The following FYTTD1 variants were observed in gnomAD, a reference collection of about 807,000 sequenced individuals.
The protein encoded by FYTTD1 is UAP56-interacting factor.
A neutral mutation model predicts 40.9 loss-of-function variants in FYTTD1; 22 were observed. The ratio of observed to expected loss-of-function variants is 0.54; its 90% CI spans 0.38 to 0.77. The LOEUF is 0.77. FYTTD1 is among the 30% of genes least tolerant of loss of function. The pLI is 0.00. For synonymous variants in FYTTD1, 140 were observed against 137.9 expected (o/e 1.01, Z -0.10); for missense variants, 351 against 392.2 (o/e 0.90, Z 0.89).
At position 197,768,435 on chromosome 3, in the gene FYTTD1, A is replaced by G. The variant is rs747651741; in HGVS notation, c.236-4A>G. On this transcript the variant is annotated splice_region_variant and splice_polypyrimidine_tract_variant and intron_variant, in intron 2 of 8. Transcript: ENST00000241502. ...CATTTTCTTCTGTTTTTGCCCTCCTATAGGTTTTGGTAAGACTAGTCTGAA... is the reference window on the plus strand; with the variant it reads ...CATTTTCTTCTGTTTTTGCCCTCCTGTAGGTTTTGGTAAGACTAGTCTGAA... 20 of 1,595,856 alleles carry G rather than the reference A, an allele frequency of 1.3e-5. No homozygotes were observed. Among genetic ancestry groups the G allele is most frequent in the East Asian group, 9.0e-5 (4 of 44,358 alleles).
chr3:197,767,138 TTTTA>T (rs1273337215), intron 2 of FYTTD1, among the ~76,000 whole-genome samples: 2 of 152,248 alleles, frequency 1.3e-5, no homozygotes, highest in East Asian at 1.9e-4. Context: ...CCAATTTATT[TTTTA>T]TTTATTTACT....
chr3:197,775,953 A>C (rs1729862282), intron 6 of FYTTD1, among the ~76,000 whole-genome samples: 1 of 152,230 alleles, frequency 6.6e-6, no homozygotes, highest in African/African-American at 2.4e-5. Context: ...ACTAATGTGA[A>C]TATAAAGGAA....
intron 1 of FYTTD1, among the ~76,000 whole-genome samples, chr3:197,754,887 G>A (rs1392732569): frequency 6.6e-6 from 1 of 152,036 alleles, no homozygotes; most frequent in African/African-American, 2.4e-5. Flanking sequence ...GGTTGGTCTC[G>A]AACTCTTGGG....
rs1730133234 is a variant in FYTTD1, at chr3:197,785,446, A to G, written c.*3537A>G. On this transcript the variant is annotated 3_prime_UTR_variant, in exon 9 of 9. Coordinates refer to ENST00000241502, the MANE Select transcript of FYTTD1 (RefSeq NM_032288.7). ...GTTGAAGGGCCAACTGTTTAAGCCAATCGTAAAATACTGTGTCTGAGGAAA... is the reference window on the plus strand; with the variant it reads ...GTTGAAGGGCCAACTGTTTAAGCCAGTCGTAAAATACTGTGTCTGAGGAAA... 1 of 152,234 alleles carries G rather than the reference A, an allele frequency of 6.6e-6. No individual in the cohort carries two copies. The highest frequency in any genetic ancestry group is 6.5e-5 in the Admixed American group (1 of 15,276). 9.4% of individuals were successfully genotyped at this position (152,234 alleles called of 1,614,324 possible). A position where few individuals can be genotyped will look rare whatever the true frequency, so the allele number is the denominator to read the frequency against.
In FYTTD1 at chr3:197,774,205, T is replaced by G. The variant is rs769838870; in HGVS notation, c.651T>G (p.Thr217=). ...TAGACGATGTAGTAGCAAAGAGAAC[T>G]CGTCAGTAAGTTTCCATTTGTTTTT... ...QLLDDVVAKR[T]RQWRTSTTNG... The change falls in exon 6 of 9, where the codon ACT becomes ACG. Residue 217 remains threonine (T), a synonymous_variant. Transcript: ENST00000241502. 3 of 1,613,352 alleles carry G rather than the reference T, an allele frequency of 1.9e-6. No individual in the cohort carries two copies. In the East Asian group the frequency reaches 6.7e-5, roughly 36 times the overall value.
chr3:197,756,468 A>G lies in FYTTD1; in HGVS notation c.146A>G (p.Asn49Ser), dbSNP rs1261313677. Residue 49 changes from asparagine to serine, a missense_variant, in exon 2 of 9, where the codon AAT (asparagine) becomes AGT (serine). Physicochemically the swap from Asn to Ser is conservative, Grantham distance 46. Transcript: ENST00000241502. ...KLNRKEGKKQ[N>S]FPRLNRRLLQ... ...AATCGAAAGGAAGGGAAGAAGCAGA[A>G]TTTTCCAAGACTAAATAGAAGACTC... is the stretch of plus-strand genomic sequence containing the variant. 1 of 1,610,286 alleles carries G rather than the reference A, an allele frequency of 6.2e-7. No individual in the cohort carries two copies. Among genetic ancestry groups the G allele is most frequent in the East Asian group, 2.2e-5 (1 of 44,858 alleles).
intron 1 of FYTTD1, 55 bp downstream of exon 1, chr3:197,750,129 C>T (rs1185815776): frequency 9.6e-6 from 13 of 1,357,754 alleles, no homozygotes; most frequent in Non-Finnish European, 3.0e-6. Flanking sequence ...GGGTGGAAGC[C>T]GGCGGCGCGG....
chr3:197,779,043 C>A (rs956830689), intron 8 of FYTTD1, among the ~76,000 whole-genome samples: 2 of 152,180 alleles, frequency 1.3e-5, no homozygotes, highest in Admixed American at 1.3e-4. Flanking sequence ...TTCTCTACAT[C>A]CTCACCAACA....
intron 6 of FYTTD1, among the ~76,000 whole-genome samples, chr3:197,774,913 C>A (rs1414368253): frequency 6.6e-6 from 1 of 152,232 alleles, no homozygotes; most frequent in Non-Finnish European, 1.5e-5. Flanking sequence ...AATTTTTAAA[C>A]ATTGAGGCTA....
At chr3:197,780,364 C>A (rs1729996845) in intron 8 of FYTTD1, among the ~76,000 whole-genome samples, 1 of 152,146 alleles carries the variant, frequency 6.6e-6, no homozygotes. Context: ...ACAATCATTT[C>A]ATTCTCCTAA....
chr3:197,762,329 G>A (rs79208873), intron 2 of FYTTD1, among the ~76,000 whole-genome samples: 5 of 145,322 alleles, frequency 3.4e-5, no homozygotes, highest in Non-Finnish European at 7.4e-5. Flanking sequence ...CGGTGCTCAC[G>A]CCTGTAATCC....
chr3:197,773,452 C>A lies in FYTTD1; in HGVS notation c.547C>A (p.Gln183Lys). 1 of 1,603,560 alleles carries A rather than the reference C, an allele frequency of 6.2e-7. No individual in the cohort carries two copies. Among genetic ancestry groups the A allele is most frequent in the Non-Finnish European group, 8.5e-7 (1 of 1,173,080 alleles). ...FTRSGNKLNHQKDTRQATFLF... is the reference protein window; with the variant it reads ...FTRSGNKLNHKKDTRQATFLF... ...CAGGAGTGGAAATAAATTAAATCAT[C>A]AGAAAGATACTCGTCAGGCAACTTT... Residue 183 changes from glutamine (Q) to lysine (K), a missense_variant, in exon 5 of 9, where the codon CAG (glutamine) becomes AAG (lysine). Gln to Lys is a moderately conservative substitution (Grantham distance 53). Transcript: ENST00000241502.
upstream of FYTTD1, chr3:197,749,801 C>A (rs1728931889): frequency 2.1e-6 from 1 of 472,058 alleles, no homozygotes; most frequent in South Asian, 3.1e-5. Flanking sequence ...CCGCTCTGGT[C>A]GCCCGCGAGT....
chr3:197,751,716 G>C (rs1413740543), intron 1 of FYTTD1, among the ~76,000 whole-genome samples: 1 of 150,964 alleles, frequency 6.6e-6, no homozygotes, highest in Non-Finnish European at 1.5e-5. Context: ...TATTTATTGA[G>C]TGCTTACTAC....
rs1453051625 is a variant in FYTTD1, at chr3:197,781,903, G to C, written c.951G>C (p.Val317=). The C allele has an allele frequency of 5.6e-6, 9 of 1,597,636 alleles. No homozygotes were observed. The highest frequency in any genetic ancestry group is 6.8e-6 in the Non-Finnish European group (8 of 1,169,484). ...AAGGGGGAAGCCGCTTTGTCACCGT[G>C]GGATAGGTCCCATGTCAAAGGAACT... is the stretch of plus-strand genomic sequence containing the variant. ...YNKGGSRFVT[V]G is the part of the protein sequence containing the mutation. The change falls in exon 9 of 9, where the codon GTG becomes GTC. Residue 317 remains valine, a synonymous_variant. Coordinates refer to ENST00000241502, the MANE Select transcript of FYTTD1 (RefSeq NM_032288.7).
At position 197,785,590 on chromosome 3, in the gene FYTTD1, G is replaced by A. The variant is rs1003733888; in HGVS notation, c.*3681G>A. The A allele has an allele frequency of 6.7e-6, 1 of 149,570 alleles. No individual in the cohort carries two copies. Among genetic ancestry groups the A allele is most frequent in the Non-Finnish European group, 1.5e-5 (1 of 67,652 alleles). 9.3% of individuals were successfully genotyped at this position (149,570 alleles called of 1,614,324 possible). The stretch of plus-strand genomic sequence containing the variant: ...GTATACGGGCCCAGCAGGCCTCATT[G>A]CTCAGCAGTGAGTTTTTATTAGACT... On this transcript the variant is annotated 3_prime_UTR_variant, in exon 9 of 9. Transcript: ENST00000241502.
At chr3:197,760,437 A>AATGTATGAG (rs1236489278) in intron 2 of FYTTD1, among the ~76,000 whole-genome samples, 1 of 151,256 alleles carries the variant, frequency 6.6e-6, no homozygotes. Flanking sequence ...TCAGGGGTAG[A>AATGTATGAG]ATGTATGAGT....
rs1376462545 is a variant in FYTTD1 at position 197,787,367 on chromosome 3, G to T, written c.*5458G>T. The T allele has an allele frequency of 6.6e-6, 1 of 152,310 alleles. No homozygotes were observed. The highest frequency in any genetic ancestry group is 2.4e-5 in the African/African-American group (1 of 41,406). The allele number at this position is 152,310 out of a possible 1,614,324, so 9.4% of individuals were successfully genotyped here. A position where few individuals can be genotyped will look rare whatever the true frequency, so the allele number is the denominator to read the frequency against. Reference sequence around the variant, plus strand: ...GATATGCCCGCCTCTGACTCCCAAAGTGCTGGGATTACAGGCATGAGCTAC... The same window carrying T: ...GATATGCCCGCCTCTGACTCCCAAATTGCTGGGATTACAGGCATGAGCTAC... On this transcript the variant is annotated 3_prime_UTR_variant, in exon 9 of 9. Coordinates refer to ENST00000241502, the MANE Select transcript of FYTTD1 (RefSeq NM_032288.7).
intron 2 of FYTTD1, among the ~76,000 whole-genome samples, chr3:197,767,501 T>A (rs1368925910): frequency 1.3e-5 from 2 of 151,436 alleles, no homozygotes; most frequent in Non-Finnish European, 2.9e-5. Context: ...TTATTTATTT[T>A]TTAATCTATT....
Sources: gnomAD v4.1 joint callset for allele counts (sites outside exome capture counted in the v4.1 genomes callset) on GRCh38, gnomAD v4.1.1 for gene constraint, MANE v1.5 for transcripts, NCBI Gene and HGNC (gene_info 2026-07-23, HGNC 2026-07-21) for gene names.